WNK3: variants seen among roughly 807,000 people sequenced by gnomAD.
WNK3 encodes the protein WNK lysine deficient protein kinase 3, also known as serine/threonine-protein kinase WNK3.
WNK3 carries 18 observed loss-of-function variants against 116.7 expected under a neutral mutation model. That is an observed-to-expected ratio of 0.15 (90% CI 0.11 to 0.23). The LOEUF (loss-of-function observed/expected upper bound fraction) is 0.23. Ranked by LOEUF, WNK3 falls within the 10% of genes least tolerant of loss-of-function variation. The pLI is 1.00. For missense variants in WNK3, 993 were observed against 1,323.8 expected, an observed-to-expected ratio of 0.75 and a Z score of 3.88; for synonymous variants, 404 against 469.4, an observed-to-expected ratio of 0.86 and a Z score of 1.80.
At chrX:54,234,972 C>T (rs1403931083) in intron 20 of WNK3, among the ~76,000 whole-genome samples, 3 of 111,644 alleles carry the variant, frequency 2.7e-5, no homozygotes, top group African/African-American at 6.5e-5. Flanking sequence ...TATAAGTTGA[C>T]GTATACATAA....
intron 22 of WNK3, among the ~76,000 whole-genome samples, chrX:54,212,487 GA>G (rs2067627294): frequency 8.9e-6 from 1 of 112,446 alleles, no homozygotes; most frequent in African/African-American, 3.2e-5. Context: ...TAATCATATT[GA>G]AAATGTATGA....
chrX:54,315,024 G>A (rs1259778027), intron 2 of WNK3, among the ~76,000 whole-genome samples: 1 of 110,403 alleles, frequency 9.1e-6, no homozygotes, highest in Non-Finnish European at 1.9e-5. Flanking sequence ...GGTCAGGCAC[G>A]ATGGCTCATG....
At chrX:54,338,519 T>C (rs1369607276) in intron 1 of WNK3, among the ~76,000 whole-genome samples, 1 of 109,192 alleles carries the variant, frequency 9.2e-6, no homozygotes, top group Non-Finnish European at 1.9e-5. Flanking sequence ...CCTGGGAAGT[T>C]GAGGCTGCAG....
chrX:54,349,364 A>G (rs782468829), intron 1 of WNK3, among the ~76,000 whole-genome samples: 66 of 111,769 alleles, frequency 5.9e-4, no homozygotes, highest in African/African-American at 2.0e-3. Context: ...ACAAACAAAC[A>G]AAAACAATTA....
intron 10 of WNK3, among the ~76,000 whole-genome samples, chrX:54,285,080 T>G (rs782032233): frequency 4.6e-4 from 51 of 111,633 alleles, no homozygotes; most frequent in Non-Finnish European, 8.7e-4. Flanking sequence ...GTTCCATTTA[T>G]ATGAAGGTCT....
intron 22 of WNK3, among the ~76,000 whole-genome samples, chrX:54,227,727 T>C (rs931146350): frequency 8.9e-6 from 1 of 111,992 alleles, no homozygotes; most frequent in Admixed American, 9.5e-5. Flanking sequence ...ATCCATACAA[T>C]GGAGTATTAT....
intron 21 of WNK3, among the ~76,000 whole-genome samples, chrX:54,232,449 A>C: frequency 9.0e-6 from 1 of 111,482 alleles, no homozygotes; most frequent in Admixed American, 9.6e-5. Flanking sequence ...GCCGAGTATA[A>C]TTTTAAGATT....
rs1569538191 is a variant in WNK3 at position 54,294,762 on chromosome X, CTT to C, written c.1482_1483del (p.Lys497GlufsTer40). 8.3e-7 allele frequency: 1 copy of C among 1,211,252 alleles called. No homozygotes were observed. On this transcript the variant is annotated frameshift_variant, in exon 8 of 24. Transcript: ENST00000354646. LOFTEE classifies it high-confidence loss of function. ...CAAACAGCCAGCAGGCTTCTTCTCT[CTT>C]GTCTTCTTTATTGGCGTCACCCGGT...
intron 21 of WNK3, among the ~76,000 whole-genome samples, chrX:54,230,014 A>G (rs1169700380): frequency 8.9e-6 from 1 of 111,980 alleles, no homozygotes; most frequent in Non-Finnish European, 1.9e-5. Flanking sequence ...AAAATTTGAT[A>G]AAGTATACTT....
intron 2 of WNK3, among the ~76,000 whole-genome samples, chrX:54,329,255 G>A (rs1284820733): frequency 3.6e-5 from 4 of 111,785 alleles, no homozygotes; most frequent in Non-Finnish European, 5.6e-5. Flanking sequence ...AAGCTCCCAG[G>A]TGATGTCCAT....
chrX:54,252,733 G>C (rs782595343), intron 13 of WNK3, among the ~76,000 whole-genome samples: 1 of 108,809 alleles, frequency 9.2e-6, no homozygotes, highest in Non-Finnish European at 1.9e-5. Flanking sequence ...TGAAAAGAAT[G>C]AAAGAAGAGA....
At chrX:54,215,400 G>C (rs782365046) in intron 22 of WNK3, among the ~76,000 whole-genome samples, 2 of 112,459 alleles carry the variant, frequency 1.8e-5, no homozygotes, top group Non-Finnish European at 3.8e-5. Flanking sequence ...CGCGTTGGCC[G>C]GGCTGGTCTC....
chrX:54,273,101 A>C (rs2068402128), intron 10 of WNK3, among the ~76,000 whole-genome samples: 1 of 112,023 alleles, frequency 8.9e-6, no homozygotes, highest in Non-Finnish European at 1.9e-5. Flanking sequence ...ACCTGAATGA[A>C]ACCCCTGCTT....
chrX:54,339,822 C>T (rs1039786516), intron 1 of WNK3, among the ~76,000 whole-genome samples: 4 of 111,565 alleles, frequency 3.6e-5, no homozygotes, highest in African/African-American at 9.8e-5. Flanking sequence ...CAGACAATTC[C>T]CAGCCACAAC....
intron 1 of WNK3, among the ~76,000 whole-genome samples, chrX:54,340,753 T>C (rs1393084750): frequency 8.9e-6 from 1 of 112,346 alleles, no homozygotes; most frequent in Non-Finnish European, 1.9e-5. Flanking sequence ...CATCATTACT[T>C]ATTGTGGAAA....
At chrX:54,302,026 C>A (rs1410087103) in intron 5 of WNK3, among the ~76,000 whole-genome samples, 167 bp from the exon 6 acceptor site, 1 of 111,193 alleles carries the variant, frequency 9.0e-6, no homozygotes, top group Non-Finnish European at 1.9e-5. Flanking sequence ...AACCTTTTGA[C>A]AAGGATGTTG....
intron 22 of WNK3, among the ~76,000 whole-genome samples, chrX:54,213,369 A>G (rs1255682466): frequency 3.7e-5 from 4 of 108,301 alleles, no homozygotes; most frequent in African/African-American, 1.0e-4. Context: ...CCCGGTCAAC[A>G]TGGTGAAACC....
chrX:54,203,557 C>T (rs2067521653), intron 22 of WNK3, among the ~76,000 whole-genome samples: 1 of 111,259 alleles, frequency 9.0e-6, no homozygotes, highest in Non-Finnish European at 1.9e-5. Flanking sequence ...TTATAACAGG[C>T]CTGTGATATA....
chrX:54,351,226 T>C (rs148766886), intron 1 of WNK3, among the ~76,000 whole-genome samples: 1,939 of 111,063 alleles, frequency 0.017, 56 homozygotes, highest in African/African-American at 0.061. Flanking sequence ...ATAAAATATA[T>C]ATCACATACT....
Sources: gnomAD v4.1 joint callset for allele counts (sites outside exome capture counted in the v4.1 genomes callset) on GRCh38, gnomAD v4.1.1 for gene constraint, MANE v1.5 for transcripts, NCBI Gene and HGNC (gene_info 2026-07-23, HGNC 2026-07-21) for gene names.